CA5A: variants seen among roughly 807,000 people sequenced by gnomAD.
CA5A encodes the protein carbonic anhydrase 5A, mitochondrial.
Under a neutral mutation model 37.1 loss-of-function variants are expected in CA5A, and 28 were observed. That is an observed-to-expected ratio of 0.75 (90% CI 0.56 to 1.03). The LOEUF is 1.03. Among genes scored for constraint, CA5A ranks in the 50% least tolerant of loss-of-function variants. The pLI, the probability that CA5A is intolerant of heterozygous loss-of-function variation, is 0.00. For missense variants in CA5A, 444 were observed against 399.9 expected, an observed-to-expected ratio of 1.11 and a Z score of -0.94; for synonymous variants, 171 against 158.4, an observed-to-expected ratio of 1.08 and a Z score of -0.60.
chr16:87,903,784 G>C (rs147056813), intron 3 of CA5A, among the ~76,000 whole-genome samples: 1,974 of 152,244 alleles, frequency 0.013, 21 homozygotes, highest in Non-Finnish European at 0.02. Flanking sequence ...CAAAAAGTTA[G>C]GTGAGTGGGT....
chr16:87,909,433 G>A (rs537579736), intron 2 of CA5A, among the ~76,000 whole-genome samples: 14 of 152,238 alleles, frequency 9.2e-5, no homozygotes, highest in African/African-American at 3.4e-4. Flanking sequence ...GAAGCGAAAC[G>A]TTCGTTCTTC....
At chr16:87,889,540 G>A (rs1380866877) in intron 6 of CA5A, among the ~76,000 whole-genome samples, 5 of 151,950 alleles carry the variant, frequency 3.3e-5, no homozygotes, top group Admixed American at 1.3e-4. Context: ...TTGGGAGGCC[G>A]AGGTGGGTGA....
intron 5 of CA5A, among the ~76,000 whole-genome samples, chr16:87,895,050 G>C (rs2055782508): frequency 6.6e-6 from 1 of 152,098 alleles, no homozygotes; most frequent in Admixed American, 6.6e-5. Context: ...AGGAGTTTGA[G>C]ACCAGCCTAA....
downstream of CA5A, chr16:87,886,532 G>C (rs1301133415): frequency 6.6e-6 from 1 of 152,092 alleles, no homozygotes; most frequent in Admixed American, 6.6e-5. Flanking sequence ...GGTATGGTGA[G>C]AAAAAAGATT....
chr16:87,892,557 AATT>A (rs1567515075), intron 5 of CA5A, among the ~76,000 whole-genome samples: 6 of 118,020 alleles, frequency 5.1e-5, no homozygotes, highest in Admixed American at 1.7e-4. Context: ...AATAATAATA[AATT>A]AATTAATAAT....
chr16:87,888,175 T>G lies in CA5A; in HGVS notation c.872A>C (p.Lys291Thr). Residue 291 changes from lysine (K) to threonine (T), a missense_variant, in exon 7 of 7, where the codon AAG becomes ACG. Coordinates refer to ENST00000649794, the MANE Select transcript of CA5A (RefSeq NM_001739.2). ...YRPLQPLMNRKVWASFQATNE... is the reference protein window; with the variant it reads ...YRPLQPLMNRTVWASFQATNE... The stretch of plus-strand genomic sequence containing the variant: ...AGTGGCCTGGAAGGACGCCCAGACC[T>G]TCCGGTTCATCAAGGGTTGAAGTGG... The G allele has an allele frequency of 1.2e-6, 2 of 1,613,918 alleles. No homozygotes were observed. The highest frequency in any genetic ancestry group is 8.5e-7 in the Non-Finnish European group (1 of 1,179,832).
intron 2 of CA5A, among the ~76,000 whole-genome samples, chr16:87,909,536 G>A (rs577193224): frequency 1.3e-5 from 2 of 152,246 alleles, no homozygotes; most frequent in Admixed American, 6.5e-5. Context: ...GGCTGGAGCG[G>A]CCCCTGGTGG....
At chr16:87,933,740 C>T (rs2056436798) in intron 1 of CA5A, among the ~76,000 whole-genome samples, 1 of 152,168 alleles carries the variant, frequency 6.6e-6, no homozygotes, top group African/African-American at 2.4e-5. Flanking sequence ...CAAGGCCAAA[C>T]CACCAGTGAT....
chr16:87,903,378 C>T (rs6540099), intron 3 of CA5A, among the ~76,000 whole-genome samples: 8,720 of 151,782 alleles, frequency 0.057, 572 homozygotes, highest in African/African-American at 0.16. Context: ...TTGCAGTGAG[C>T]CAAGATCGTG....
chr16:87,919,029 G>A (rs1300573144), intron 2 of CA5A, among the ~76,000 whole-genome samples: 1 of 152,234 alleles, frequency 6.6e-6, no homozygotes, highest in Non-Finnish European at 1.5e-5. Context: ...GGATGACCCA[G>A]CTCATTTCCA....
intron 2 of CA5A, among the ~76,000 whole-genome samples, chr16:87,909,537 C>T (rs541066694): frequency 7.2e-5 from 11 of 152,338 alleles, no homozygotes; most frequent in South Asian, 6.2e-4. Context: ...GCTGGAGCGG[C>T]CCCTGGTGGC....
chr16:87,901,647 G>T (rs1303096678), intron 5 of CA5A, among the ~76,000 whole-genome samples: 1 of 150,550 alleles, frequency 6.6e-6, no homozygotes, highest in African/African-American at 2.5e-5. Context: ...GGAGTGCAAT[G>T]ACACGATCTC....
chr16:87,895,706 C>A (rs2055791892), intron 5 of CA5A, among the ~76,000 whole-genome samples: 1 of 152,076 alleles, frequency 6.6e-6, no homozygotes, highest in Non-Finnish European at 1.5e-5. Context: ...TGGTCCCCAC[C>A]CCCGCCCTGC....
chr16:87,893,784 AC>A, intron 5 of CA5A: 1 of 387,024 alleles, frequency 2.6e-6, no homozygotes, highest in Non-Finnish European at 5.0e-6. Context: ...CAGCCAAAAA[AC>A]AAAAAGAGTC....
intron 2 of CA5A, among the ~76,000 whole-genome samples, chr16:87,921,538 GC>G (rs553762307): frequency 9.2e-4 from 140 of 152,316 alleles, no homozygotes; most frequent in African/African-American, 3.1e-3. Context: ...TGAGTCACGT[GC>G]CCATGCCTGT....
intron 2 of CA5A, among the ~76,000 whole-genome samples, chr16:87,916,104 C>G (rs1023851556): frequency 6.1e-5 from 9 of 148,586 alleles, no homozygotes; most frequent in East Asian, 2.0e-4. Context: ...GGAGGTGGAG[C>G]TTGCAGTGAG....
intron 1 of CA5A, among the ~76,000 whole-genome samples, chr16:87,928,588 A>G (rs1352052323): frequency 6.6e-6 from 1 of 152,098 alleles, no homozygotes; most frequent in Non-Finnish European, 1.5e-5. Context: ...ATATATATAT[A>G]CAATTCTTTT....
chr16:87,904,040 G>C (rs143923269), intron 3 of CA5A, among the ~76,000 whole-genome samples: 134 of 152,212 alleles, frequency 8.8e-4, no homozygotes, highest in African/African-American at 3.1e-3. Context: ...TTGAAAATAA[G>C]ACTGCTTTAA....
In CA5A at chr16:87,936,319, G is replaced by A. The variant is rs2056470326; in HGVS notation, c.132C>T (p.Ser44=). The A allele has an allele frequency of 6.2e-7, 1 of 1,612,626 alleles. No homozygotes were observed. Among genetic ancestry groups the A allele is most frequent in the Non-Finnish European group, 8.5e-7 (1 of 1,178,752 alleles). The change falls in exon 1 of 7, where the codon AGC becomes AGT. Residue 44 remains serine (S), a synonymous_variant. Transcript: ENST00000649794. ...TGAGGCTCTACTTACAAGTGTTATT[G>A]CTGGTTTGCCATGCACAGGAACGCT... The part of the protein sequence containing the change: ...CSQRSCAWQT[S]NNTLHPLWTV...
Sources: allele counts gnomAD v4.1 joint callset (sites outside exome capture counted in the v4.1 genomes callset), GRCh38; gene constraint gnomAD v4.1.1; transcripts MANE v1.5; gene names NCBI Gene and HGNC (gene_info 2026-07-23, HGNC 2026-07-21).